Variants in GPR89A observed in about 807,000 individuals in gnomAD.
GPR89A encodes the protein G protein-coupled receptor 89A.
Under a neutral mutation model 52.0 loss-of-function variants are expected in GPR89A, and 16 were observed. The ratio of observed to expected loss-of-function variants is 0.31; its 90% confidence interval spans 0.21 to 0.47. GPR89A has a LOEUF of 0.47. GPR89A is among the 20% of genes least tolerant of loss of function. The probability of loss-of-function intolerance (pLI) is 1.00; values close to 1 mark genes in which losing one functional copy is unlikely to be tolerated. For synonymous variants in GPR89A, 55 were observed against 150.9 expected (o/e 0.36, Z 4.66); for missense variants, 135 against 449.4 (o/e 0.30, Z 6.33).
chr1:145,611,222 T>C (rs1410021770), intron 1 of GPR89A, among the ~76,000 whole-genome samples: 3 of 151,882 alleles, frequency 2.0e-5, no homozygotes, highest in South Asian at 2.1e-4. Context: ...TATTTTATTT[T>C]AGATTTGGTA....
At chr1:145,615,326 T>C (rs1484596908) in intron 1 of GPR89A, among the ~76,000 whole-genome samples, 1 of 152,172 alleles carries the variant, frequency 6.6e-6, no homozygotes, top group African/African-American at 2.4e-5. Flanking sequence ...CCTGAAGTTT[T>C]TATTTTTTAA....
chr1:145,632,128 A>G (rs1649917025), intron 7 of GPR89A, among the ~76,000 whole-genome samples: 1 of 151,090 alleles, frequency 6.6e-6, no homozygotes, highest in African/African-American at 2.4e-5. Flanking sequence ...TTTTTTGTTT[A>G]ATTTTTTAAA....
intron 7 of GPR89A, among the ~76,000 whole-genome samples, chr1:145,634,370 C>T (rs1650078949): frequency 1.3e-5 from 2 of 151,866 alleles, no homozygotes; most frequent in South Asian, 4.2e-4. Context: ...CGTGAGCCAC[C>T]ATGCCCAGCC....
At chr1:145,643,622 C>T (rs1331352095) in intron 7 of GPR89A, among the ~76,000 whole-genome samples, 15 of 152,050 alleles carry the variant, frequency 9.9e-5, no homozygotes, top group Non-Finnish European at 2.2e-4. Flanking sequence ...CTCCCAGCTT[C>T]CAAATAGCAG....
intron 3 of GPR89A, among the ~76,000 whole-genome samples, chr1:145,619,137 A>G (rs587736154): frequency 9.2e-5 from 14 of 152,250 alleles, no homozygotes; most frequent in African/African-American, 3.1e-4. Flanking sequence ...CTTTCACTCT[A>G]AAGTTAGGAT....
chr1:145,614,875 C>G (rs1380436787), intron 1 of GPR89A, among the ~76,000 whole-genome samples: 2 of 151,886 alleles, frequency 1.3e-5, no homozygotes, highest in Non-Finnish European at 2.9e-5. Flanking sequence ...TCTAAAGAAC[C>G]AAAGAAGTTC....
rs587652089 is a variant in GPR89A, at chr1:145,646,063, G to A, written c.728-121G>A. ...AGTAGCGCTGCTGGCTATGAAACAG[G>A]AAATTGAGAATATAGGCAACTCCGG... On this transcript the variant is annotated intron_variant, in intron 8 of 13. Coordinates refer to ENST00000313835, the MANE Select transcript of GPR89A (RefSeq NM_001097612.2). 26 of 1,489,468 alleles carry A rather than the reference G, an allele frequency of 1.7e-5. No individual in the cohort carries two copies. In the Admixed American group the frequency reaches 3.2e-4, roughly 18 times the overall value. The allele number at this position is 1,489,468 out of a possible 1,614,324, so 92.3% of individuals were successfully genotyped here.
At chr1:145,612,197 C>T (rs1471493519) in intron 1 of GPR89A, 1 of 152,172 alleles carries the variant, frequency 6.6e-6, no homozygotes, top group Non-Finnish European at 1.5e-5. Flanking sequence ...CTCTCTTACT[C>T]TTAGCAGATA....
intron 1 of GPR89A, among the ~76,000 whole-genome samples, chr1:145,615,846 C>T (rs1648645413): frequency 6.6e-6 from 1 of 152,092 alleles, no homozygotes; most frequent in Non-Finnish European, 1.5e-5. Context: ...TCTTGAACTC[C>T]TGGCTTCAGG....
chr1:145,639,486 T>C lies in GPR89A; in HGVS notation c.618-4383T>C, dbSNP rs587758403. 1.2e-4 allele frequency among the ~76,000 whole-genome samples: 18 copies of C among 151,766 alleles called. No individual in the cohort carries two copies. In the South Asian group the frequency reaches 3.8e-3, roughly 32 times the overall value. ...ACATGGCCAGGCACAGTGGCTCACG[T>C]CTGTAATCCCAGCACTTTGGGAGGC... On this transcript the variant is annotated intron_variant, in intron 7 of 13. Coordinates refer to ENST00000313835, the MANE Select transcript of GPR89A (RefSeq NM_001097612.2).
rs1215340737 is a variant in GPR89A at position 145,639,132 on chromosome 1, AAAATC to A, written c.618-4732_618-4728del. Among the ~76,000 whole-genome samples, 7 of 152,010 alleles carry A rather than the reference AAAATC, an allele frequency of 4.6e-5. No homozygotes were observed. The East Asian group carries it at 1.3e-3, about 29-fold the overall frequency. ...GCTGAAAATTATAAAACTAATGAAAAAAATCAAATAAGATATAAATAAACCATGTT... is the reference window on the plus strand; with the variant it reads ...GCTGAAAATTATAAAACTAATGAAAAAAATAAGATATAAATAAACCATGTT... On this transcript the variant is annotated intron_variant, in intron 7 of 13. Transcript: ENST00000313835.
intron 1 of GPR89A, among the ~76,000 whole-genome samples, chr1:145,610,946 A>T (rs1553686003): frequency 1.3e-5 from 2 of 152,116 alleles, no homozygotes; most frequent in Admixed American, 6.5e-5. Flanking sequence ...CCGTCATAAG[A>T]CTTATCAGTT....
intron 5 of GPR89A, among the ~76,000 whole-genome samples, chr1:145,629,774 G>A (rs2101767610): frequency 6.6e-6 from 1 of 151,732 alleles, no homozygotes; most frequent in Non-Finnish European, 1.5e-5. Flanking sequence ...GAAGACCAGA[G>A]GTTGCACTGA....
chr1:145,639,005 C>T (rs1553691266), intron 7 of GPR89A, among the ~76,000 whole-genome samples: 2 of 150,026 alleles, frequency 1.3e-5, no homozygotes, highest in Non-Finnish European at 2.9e-5. Context: ...AAGCTAGCAA[C>T]GGACATATGA....
chr1:145,634,773 A>G (rs1201907787), intron 7 of GPR89A, among the ~76,000 whole-genome samples: 11 of 151,284 alleles, frequency 7.3e-5, no homozygotes, highest in Admixed American at 1.3e-4. Context: ...AAGGACAACT[A>G]CTGAAATTAT....
intron 1 of GPR89A, among the ~76,000 whole-genome samples, chr1:145,609,205 C>T (rs1178602165): frequency 2.6e-5 from 4 of 152,154 alleles, no homozygotes; most frequent in African/African-American, 9.7e-5. Flanking sequence ...AAGCAGTTAC[C>T]TTTGGGGGCT....
chr1:145,658,837 G>T (rs1399042588), intron 10 of GPR89A, among the ~76,000 whole-genome samples: 11 of 152,086 alleles, frequency 7.2e-5, no homozygotes, highest in African/African-American at 2.7e-4. Flanking sequence ...GAGCACAGTG[G>T]GGTGATCTCA....
intron 7 of GPR89A, among the ~76,000 whole-genome samples, chr1:145,632,026 A>AT (rs1649906991): frequency 1.2e-5 from 1 of 81,532 alleles, no homozygotes; most frequent in Admixed American, 1.4e-4. Context: ...AAATATAAAA[A>AT]TTTTTTTAAA....
chr1:145,646,374 C>T, intron 9 of GPR89A, 102 bp downstream of exon 9: 2 of 833,108 alleles, frequency 2.4e-6, no homozygotes, highest in Non-Finnish European at 3.8e-6. Context: ...GCAAGAGATA[C>T]CTCACAGCTT....
Sources: gnomAD v4.1 joint callset for allele counts (sites outside exome capture counted in the v4.1 genomes callset) on GRCh38, gnomAD v4.1.1 for gene constraint, MANE v1.5 for transcripts, NCBI Gene and HGNC (gene_info 2026-07-23, HGNC 2026-07-21) for gene names.